Variants in DACH1 observed in about 807,000 individuals in gnomAD.
DACH1 encodes dachshund homolog 1.
DACH1 carries 12 observed loss-of-function variants against 54.2 expected under a neutral mutation model. The observed-to-expected ratio is 0.22, with a 90% CI of 0.14 to 0.36. The LOEUF (loss-of-function observed/expected upper bound fraction) is 0.36. Among genes scored for constraint, DACH1 ranks in the 10% least tolerant of loss-of-function variants. The pLI, the probability that DACH1 is intolerant of heterozygous loss-of-function variation, is 1.00. For synonymous variants in DACH1, 386 were observed against 366.2 expected (o/e 1.05, Z -0.62); for missense variants, 805 against 929.8 (o/e 0.87, Z 1.75).
At chr13:71,622,267 C>T (rs373434467) in intron 3 of DACH1, among the ~76,000 whole-genome samples, 2 of 152,054 alleles carry the variant, frequency 1.3e-5, no homozygotes, top group African/African-American at 2.4e-5. Flanking sequence ...GTGACAGGTG[C>T]ATTGGGCTCA....
intron 1 of DACH1, among the ~76,000 whole-genome samples, chr13:71,855,945 C>T (rs912475066): frequency 1.3e-4 from 20 of 151,726 alleles, no homozygotes; most frequent in Admixed American, 9.2e-4. Flanking sequence ...TGTTTATACT[C>T]CTTAAATCTA....
intron 2 of DACH1, among the ~76,000 whole-genome samples, chr13:71,667,846 A>G (rs1175264406): frequency 6.6e-6 from 1 of 152,104 alleles, no homozygotes; most frequent in Non-Finnish European, 1.5e-5. Context: ...TAAGGGATTA[A>G]TTTTCTTGGA....
At chr13:71,482,801 T>G (rs1284000267) in intron 7 of DACH1, among the ~76,000 whole-genome samples, 7 of 147,458 alleles carry the variant, frequency 4.7e-5, no homozygotes, top group African/African-American at 1.2e-4. Flanking sequence ...CAGTTTTTTT[T>G]TTTTTTTTTT....
intron 1 of DACH1, among the ~76,000 whole-genome samples, chr13:71,852,360 G>C (rs1873723986): frequency 6.9e-6 from 1 of 144,772 alleles, no homozygotes; most frequent in East Asian, 3.4e-4. Context: ...CATTTAAAGT[G>C]CTGCTTTTTT....
chr13:71,866,713 T>C lies in DACH1; in HGVS notation c.57A>G (p.Pro19=). The change falls in exon 1 of 11, where the codon CCA becomes CCG. Residue 19 remains proline, a synonymous_variant. Transcript: ENST00000613252. ...CAGAGGAGGAAGCAGACGTGGAGAT[T>C]GGGGGTTGAGGGGGGACCAGCTGGG... ...PPTQLVPPQP[P]ISTSASSSGT... The C allele has an allele frequency of 6.9e-7, 1 of 1,444,826 alleles. No individual in the cohort carries two copies. The highest frequency in any genetic ancestry group is 9.2e-7 in the Non-Finnish European group (1 of 1,090,914). The allele number at this position is 1,444,826 out of a possible 1,614,324, so 89.5% of individuals were successfully genotyped here.
intron 6 of DACH1, among the ~76,000 whole-genome samples, chr13:71,542,412 GTTA>G (rs529204685): frequency 5.0e-4 from 76 of 152,048 alleles, no homozygotes; most frequent in African/African-American, 1.8e-3. Flanking sequence ...AATCATCTGA[GTTA>G]TTATCATACA....
At position 71,552,899 on chromosome 13, in the gene DACH1, G is replaced by A. The variant is rs188892247; in HGVS notation, c.1570+4125C>T. ...GAGAGAGAAAGAGACAGAACTAATA[G>A]ACCAGGTGTGGTAGCTCACGCCCTG... is the stretch of plus-strand genomic sequence containing the variant. On this transcript the variant is annotated intron_variant, in intron 6 of 10. Transcript: ENST00000613252. 2.2e-3 allele frequency among the ~76,000 whole-genome samples: 297 copies of A among 133,300 alleles called. 7 individuals carry two copies. Among genetic ancestry groups the A allele is most frequent in the Admixed American group, 0.017 (211 of 12,580 alleles). The allele number at this position is 133,300 out of a possible 152,430, so 87.4% of individuals were successfully genotyped here.
intron 1 of DACH1, among the ~76,000 whole-genome samples, chr13:71,718,194 T>A (rs901566715): frequency 2.6e-5 from 4 of 152,044 alleles, no homozygotes; most frequent in Non-Finnish European, 4.4e-5. Flanking sequence ...GCTAACCAAA[T>A]AAAAGACAGA....
At chr13:71,848,534 AAAC>A (rs1209935144) in intron 1 of DACH1, among the ~76,000 whole-genome samples, 1 of 152,048 alleles carries the variant, frequency 6.6e-6, no homozygotes, top group African/African-American at 2.4e-5. Context: ...TCTAAACAGA[AAAC>A]AACTTTTTCA....
intron 1 of DACH1, among the ~76,000 whole-genome samples, chr13:71,829,963 T>C (rs1384019288): frequency 6.6e-6 from 1 of 151,908 alleles, no homozygotes; most frequent in African/African-American, 2.4e-5. Context: ...TGGTGGTTGC[T>C]GTGAATTAAT....
At chr13:71,516,284 T>C (rs1881151866) in intron 6 of DACH1, among the ~76,000 whole-genome samples, 1 of 151,902 alleles carries the variant, frequency 6.6e-6, no homozygotes, top group African/African-American at 2.4e-5. Flanking sequence ...CTTGCTCAAA[T>C]AGTACAATTA....
chr13:71,820,242 G>C (rs1034526578), intron 1 of DACH1, among the ~76,000 whole-genome samples: 3 of 151,956 alleles, frequency 2.0e-5, no homozygotes, highest in African/African-American at 7.3e-5. Flanking sequence ...AGATTGGCTG[G>C]GTCTGCCAAG....
intron 6 of DACH1, among the ~76,000 whole-genome samples, chr13:71,500,902 G>A (rs1566299917): frequency 6.6e-6 from 1 of 151,776 alleles, no homozygotes; most frequent in East Asian, 1.9e-4. Flanking sequence ...TTGTGGCTCA[G>A]TTTCCAATCT....
At chr13:71,594,932 A>G (rs1001593233) in intron 3 of DACH1, among the ~76,000 whole-genome samples, 3 of 152,174 alleles carry the variant, frequency 2.0e-5, no homozygotes, top group Non-Finnish European at 2.9e-5. Context: ...TAGTAATTAT[A>G]TACTAGTTAA....
chr13:71,699,048 TA>T (rs1224073765), intron 1 of DACH1, among the ~76,000 whole-genome samples: 2 of 151,984 alleles, frequency 1.3e-5, no homozygotes, highest in African/African-American at 4.8e-5. Flanking sequence ...AAAGAAAAAA[TA>T]AATAATTAGA....
At chr13:71,744,683 G>A (rs1216481443) in intron 1 of DACH1, among the ~76,000 whole-genome samples, 1 of 152,160 alleles carries the variant, frequency 6.6e-6, no homozygotes, top group Non-Finnish European at 1.5e-5. Flanking sequence ...TTACACATGG[G>A]TGCCCACTTT....
chr13:71,669,781 A>C (rs1461314413), intron 2 of DACH1, among the ~76,000 whole-genome samples: 1 of 152,178 alleles, frequency 6.6e-6, no homozygotes, highest in African/African-American at 2.4e-5. Flanking sequence ...TGGGATCATA[A>C]AACCTAAATT....
Position 71,439,945 on chromosome 13 carries a change from A to AT in DACH1, c.*709dup, listed in dbSNP as rs61344236. 2,615 of 151,020 alleles carry AT rather than the reference A, an allele frequency of 0.017. 36 individuals carry two copies. Among genetic ancestry groups the AT allele is most frequent in the Middle Eastern group, 0.048 (14 of 290 alleles). The allele number at this position is 151,020 out of a possible 1,614,324, so 9.4% of individuals were successfully genotyped here. The stretch of plus-strand genomic sequence containing the variant: ...GAATGAAAACATGTTACACTTATAT[A>AT]TTTTTTTTTATTTTTAAGAAAAAAA... On this transcript the variant is annotated 3_prime_UTR_variant, in exon 11 of 11. Coordinates refer to ENST00000613252, the MANE Select transcript of DACH1 (RefSeq NM_080759.6).
intron 2 of DACH1, among the ~76,000 whole-genome samples, chr13:71,656,588 T>C (rs1879105490): frequency 6.6e-6 from 1 of 152,002 alleles, no homozygotes; most frequent in Non-Finnish European, 1.5e-5. Flanking sequence ...CTTTCCAACA[T>C]TTTTACTACT....
Sources: gnomAD v4.1 joint callset for allele counts (sites outside exome capture counted in the v4.1 genomes callset) on GRCh38, gnomAD v4.1.1 for gene constraint, MANE v1.5 for transcripts, NCBI Gene and HGNC (gene_info 2026-07-23, HGNC 2026-07-21) for gene names.